The following OCSTAMP variants were observed in gnomAD, a reference collection of about 807,000 sequenced individuals.
OCSTAMP encodes the protein transmembrane protein C20orf123.
OCSTAMP carries 17 observed loss-of-function variants against 25.2 expected under a neutral mutation model. The observed-to-expected ratio is 0.68, with a 90% CI of 0.46 to 1.01. OCSTAMP has a LOEUF of 1.01. OCSTAMP is among the 50% of genes least tolerant of loss of function. The pLI, the probability that OCSTAMP is intolerant of heterozygous loss-of-function variation, is 0.00. For synonymous variants in OCSTAMP, 345 were observed against 318.9 expected, an observed-to-expected ratio of 1.08 and a Z score of -0.87; for missense variants, 664 against 694.6, an observed-to-expected ratio of 0.96 and a Z score of 0.50.
At chr20:46,543,336 T>G (rs1240687294) in intron 2 of OCSTAMP, among the ~76,000 whole-genome samples, 1 of 149,478 alleles carries the variant, frequency 6.7e-6, no homozygotes, top group African/African-American at 2.5e-5. Flanking sequence ...CTTTCTTCGT[T>G]TCTTCCTTTT....
In OCSTAMP at chr20:46,550,590, G is replaced by A. The variant is rs1263868024; in HGVS notation, c.-30C>T. On this transcript the variant is annotated 5_prime_UTR_variant, in exon 1 of 3. Coordinates refer to ENST00000279028, the MANE Select transcript of OCSTAMP (RefSeq NM_080721.3). Reference sequence around the variant, plus strand: ...TCCAAATGGCAGTGGTTTCAGGCGGGCGGTCGCTGGCAGCTGTGGCAGGTG... The same window carrying A: ...TCCAAATGGCAGTGGTTTCAGGCGGACGGTCGCTGGCAGCTGTGGCAGGTG... The A allele has an allele frequency of 6.4e-7, 1 of 1,551,092 alleles. No homozygotes were observed. Among genetic ancestry groups the A allele is most frequent in the Non-Finnish European group, 8.7e-7 (1 of 1,146,514 alleles).
intron 1 of OCSTAMP, 77 bp from the exon 2 acceptor site, chr20:46,546,406 A>G: frequency 7.8e-7 from 1 of 1,275,074 alleles, no homozygotes; most frequent in Non-Finnish European, 1.1e-6. Context: ...CCTGCCCCAC[A>G]TACCCATCAC....
chr20:46,548,140 C>T (rs1041647559), intron 1 of OCSTAMP, among the ~76,000 whole-genome samples: 2 of 152,156 alleles, frequency 1.3e-5, no homozygotes, highest in Non-Finnish European at 2.9e-5. Flanking sequence ...TCTGGACTGC[C>T]TGGGCTCAAA....
rs200233147 is a variant in OCSTAMP, at chr20:46,542,306, G to A, written c.1048-379C>T. 7.9e-5 allele frequency among the ~76,000 whole-genome samples: 12 copies of A among 152,246 alleles called. No individual in the cohort carries two copies. The East Asian group carries it at 1.9e-3, about 25-fold the overall frequency. ...TTTAAAAGATGGGAAGTGGCCAGGC[G>A]CAGTGGCTCACGCCTGTAATCCCAG... On this transcript the variant is annotated intron_variant, in intron 2 of 2. Coordinates refer to ENST00000279028, the MANE Select transcript of OCSTAMP (RefSeq NM_080721.3).
intron 1 of OCSTAMP, among the ~76,000 whole-genome samples, chr20:46,547,650 T>G (rs1395220062): frequency 2.6e-5 from 4 of 152,200 alleles, no homozygotes; most frequent in Non-Finnish European, 4.4e-5. Context: ...CTGTTGACCT[T>G]GGCAGGGAGA....
At position 46,541,507 on chromosome 20, in the gene OCSTAMP, T is replaced by G; in HGVS notation, c.1468A>C (p.Arg490=). 1 of 1,551,740 alleles carries G rather than the reference T, an allele frequency of 6.4e-7. No individual in the cohort carries two copies. The highest frequency in any genetic ancestry group is 8.7e-7 in the Non-Finnish European group (1 of 1,146,976). The change falls in exon 3 of 3, where the codon AGA becomes CGA. Residue 490 remains arginine, a synonymous_variant. Coordinates refer to ENST00000279028, the MANE Select transcript of OCSTAMP (RefSeq NM_080721.3). The part of the protein sequence containing the change: ...AWIDYRLDAL[R]TESSEGEGKE... ...CCTTCTCCCTCACTGCTCTCGGTTCTTAAGGCATCCAGCCTGTAGTCTATC... is the reference window on the plus strand; with the variant it reads ...CCTTCTCCCTCACTGCTCTCGGTTCGTAAGGCATCCAGCCTGTAGTCTATC...
Position 46,541,268 on chromosome 20 carries a change from T to G in OCSTAMP, c.*6A>C. 1.4e-6 allele frequency: 1 copy of G among 720,044 alleles called. No individual in the cohort carries two copies. Among genetic ancestry groups the G allele is most frequent in the East Asian group, 2.7e-5 (1 of 37,280 alleles). The allele number at this position is 720,044 out of a possible 1,614,324, so 44.6% of individuals were successfully genotyped here. On this transcript the variant is annotated 3_prime_UTR_variant, in exon 3 of 3. Transcript: ENST00000279028. ...TTGTCTTCGCCTTTGCATGGTTCTT[T>G]ACCGGTTATCCAGGCCTATCATGCC...
chr20:46,546,066 C>A lies in OCSTAMP; in HGVS notation c.308G>T (p.Arg103Leu), dbSNP rs776750753. 3 of 1,551,626 alleles carry A rather than the reference C, an allele frequency of 1.9e-6. No individual in the cohort carries two copies. The highest frequency in any genetic ancestry group is 2.6e-6 in the Non-Finnish European group (3 of 1,146,998). ...FLSLGLVPPVRCLFALSVPTL... is the reference protein window; with the variant it reads ...FLSLGLVPPVLCLFALSVPTL... ...GGGCACGCTGAGTGCAAACAGGCAG[C>A]GGACTGGGGGTACCAGGCCCAGGCT... Residue 103 changes from arginine to leucine, a missense_variant, in exon 2 of 3, where the codon CGC becomes CTC. Physicochemically the swap from Arg to Leu is moderately radical, Grantham distance 102. Coordinates refer to ENST00000279028, the MANE Select transcript of OCSTAMP (RefSeq NM_080721.3).
At chr20:46,544,073 T>A (rs1271400326) in intron 2 of OCSTAMP, among the ~76,000 whole-genome samples, 1 of 152,028 alleles carries the variant, frequency 6.6e-6, no homozygotes, top group East Asian at 1.9e-4. Context: ...AACTGGGTGG[T>A]GGTGGTGCAT....
In OCSTAMP at chr20:46,541,796, G is replaced by T. The variant is rs894381723; in HGVS notation, c.1179C>A (p.Pro393=). ...RLTSARCPLL[P]ARRPRAAAPL... is the part of the protein sequence containing the mutation. The stretch of plus-strand genomic sequence containing the variant: ...GGGCAGCTGCGCGGGGACGCCGGGC[G>T]GGTAGCAGTGGGCAGCGGGCGGAGG... Residue 393 remains proline, a synonymous_variant, in exon 3 of 3, where the codon CCC becomes CCA. Transcript: ENST00000279028. The T allele has an allele frequency of 2.0e-6, 3 of 1,490,536 alleles. No homozygotes were observed. Among genetic ancestry groups the T allele is most frequent in the East Asian group, 2.5e-5 (1 of 40,444 alleles). 92.3% of individuals were successfully genotyped at this position (1,490,536 alleles called of 1,614,324 possible).
At chr20:46,550,456 C>G in intron 1 of OCSTAMP, 61 bp downstream of exon 1, 1 of 1,442,314 alleles carries the variant, frequency 6.9e-7, no homozygotes, top group Non-Finnish European at 9.5e-7. Flanking sequence ...ATATCCATCA[C>G]CCCCAATGGC....
At position 46,541,847 on chromosome 20, in the gene OCSTAMP, G is replaced by C. The variant is rs898470679; in HGVS notation, c.1128C>G (p.Ser376Arg). Reference protein sequence around the residue: ...APESPFLSVHSSYQWELRLTS... With the variant: ...APESPFLSVHRSYQWELRLTS... ...TGAGGCGGAGCTCCCATTGGTAGGA[G>C]CTGTGGACGGAGAGGAAGGGGCTCT... is the stretch of plus-strand genomic sequence containing the variant. The change falls in exon 3 of 3, where the codon AGC (serine) becomes AGG (arginine). Residue 376 changes from serine to arginine, a missense_variant. By Grantham distance (110) the Ser-to-Arg change is moderately radical. Coordinates refer to ENST00000279028, the MANE Select transcript of OCSTAMP (RefSeq NM_080721.3). The C allele has an allele frequency of 1.2e-4, 172 of 1,473,238 alleles. No individual in the cohort carries two copies. Among genetic ancestry groups the C allele is most frequent in the Non-Finnish European group, 1.4e-4 (155 of 1,116,998 alleles). 91.3% of individuals were successfully genotyped at this position (1,473,238 alleles called of 1,614,324 possible). A position where few individuals can be genotyped will look rare whatever the true frequency, so the allele number is the denominator to read the frequency against.
intron 2 of OCSTAMP, among the ~76,000 whole-genome samples, chr20:46,543,300 T>G (rs2061841004): frequency 2.1e-5 from 1 of 48,258 alleles, no homozygotes; most frequent in South Asian, 8.3e-4. Context: ...TCTCTCTTTC[T>G]CTTTCCTTTC....
At chr20:46,547,454 G>A (rs1474380702) in intron 1 of OCSTAMP, among the ~76,000 whole-genome samples, 3 of 152,174 alleles carry the variant, frequency 2.0e-5, no homozygotes, top group Non-Finnish European at 1.5e-5. Context: ...GCCTCAAGGC[G>A]CTCCAAGGTT....
chr20:46,545,615 CCG>C lies in OCSTAMP; in HGVS notation c.757_758del (p.Arg253ValfsTer2). 6.4e-7 allele frequency: 1 copy of C among 1,551,748 alleles called. No homozygotes were observed. On this transcript the variant is annotated frameshift_variant, in exon 2 of 3. Coordinates refer to ENST00000279028, the MANE Select transcript of OCSTAMP (RefSeq NM_080721.3). LOFTEE classifies it high-confidence loss of function. ...GTTGAGTGGCGTAGATATTGTCAAA[CCG>C]CAGGTCTGTCAGGTAGCAATGGAGG... ...WYLHCYLTDL[R>X]FDNIYATQQL...
At chr20:46,544,299 T>C (rs1432475040) in intron 2 of OCSTAMP, among the ~76,000 whole-genome samples, 1 of 152,194 alleles carries the variant, frequency 6.6e-6, no homozygotes, top group Non-Finnish European at 1.5e-5. Flanking sequence ...GAAGAAAATA[T>C]TCAAAAACCA....
At chr20:46,545,077 A>G (rs1195780452) in intron 2 of OCSTAMP, among the ~76,000 whole-genome samples, 1 of 152,158 alleles carries the variant, frequency 6.6e-6, no homozygotes, top group Non-Finnish European at 1.5e-5. Flanking sequence ...GTGACCTTGG[A>G]TGCAAGTTAT....
chr20:46,542,602 AAGCCAC>A (rs2061838182), intron 2 of OCSTAMP, among the ~76,000 whole-genome samples: 2 of 148,156 alleles, frequency 1.3e-5, no homozygotes, highest in Non-Finnish European at 3.0e-5. Flanking sequence ...GGGAAGCCCA[AAGCCAC>A]ACATGGGTTA....
In OCSTAMP at chr20:46,545,446, G is replaced by A; in HGVS notation, c.928C>T (p.Leu310Phe). 5 of 1,551,370 alleles carry A rather than the reference G, an allele frequency of 3.2e-6. No homozygotes were observed. Among genetic ancestry groups the A allele is most frequent in the Non-Finnish European group, 4.4e-6 (5 of 1,146,946 alleles). ...GCCACCGCCACAGCCGTGGCCACGA[G>A]GAGCAGGGCAAGCAGCCCCAGCCTT... is the stretch of plus-strand genomic sequence containing the variant. ...LLRLGLLALL[L>F]VATAVAVATD... Residue 310 changes from leucine (L) to phenylalanine (F), a missense_variant, in exon 2 of 3, where the codon CTC becomes TTC. Transcript: ENST00000279028.
Sources: gnomAD v4.1 joint callset for allele counts (sites outside exome capture counted in the v4.1 genomes callset) on GRCh38, gnomAD v4.1.1 for gene constraint, MANE v1.5 for transcripts, NCBI Gene and HGNC (gene_info 2026-07-23, HGNC 2026-07-21) for gene names.